SORCS1: variants seen among roughly 807,000 people sequenced by gnomAD.
SORCS1 encodes the protein VPS10 domain-containing receptor SorCS1.
A neutral mutation model predicts 146.1 loss-of-function variants in SORCS1; 60 were observed. The observed-to-expected ratio is 0.41, with a 90% CI of 0.33 to 0.51. The LOEUF is 0.51. Ranked by LOEUF, SORCS1 falls within the 20% of genes least tolerant of loss-of-function variation. The probability of loss-of-function intolerance (pLI) is 0.21; values close to 1 mark genes in which losing one functional copy is unlikely to be tolerated. For missense variants in SORCS1, 1,352 were observed against 1,487.6 expected, an observed-to-expected ratio of 0.91 and a Z score of 1.50; for synonymous variants, 637 against 584.0, an observed-to-expected ratio of 1.09 and a Z score of -1.31.
chr10:106,696,209 C>T (rs1012952784), intron 9 of SORCS1, among the ~76,000 whole-genome samples: 1 of 152,214 alleles, frequency 6.6e-6, no homozygotes, highest in Non-Finnish European at 1.5e-5. Flanking sequence ...TCCATGTATG[C>T]TATCTCTGTA....
chr10:107,164,194 G>A lies in SORCS1; in HGVS notation c.333C>T (p.Ser111=), dbSNP rs779338363. 17 of 1,611,034 alleles carry A rather than the reference G, an allele frequency of 1.1e-5. No individual in the cohort carries two copies. In the African/African-American group the frequency reaches 1.5e-4, roughly 14 times the overall value. Residue 111 remains serine, a synonymous_variant, in exon 1 of 26, where the codon AGC becomes AGT. Coordinates refer to ENST00000263054, the MANE Select transcript of SORCS1 (RefSeq NM_052918.5). This position sits in a 1 kb window ranked among gnomAD's most constrained non-coding sequence, Gnocchi z 6.8. ...GTTCTGCCTTCTCCTGATCCGCTCC[G>A]CTCCGTCTCCTCCGGCCGGAGCGTG... ...VAARSGRRRR[S]GADQEKAERG... is the part of the protein sequence containing the mutation.
chr10:107,142,502 A>C (rs550125738), intron 1 of SORCS1, among the ~76,000 whole-genome samples: 19 of 152,358 alleles, frequency 1.2e-4, no homozygotes, highest in African/African-American at 4.6e-4. Flanking sequence ...TCTATTCCTT[A>C]AAGCTACTTA....
intron 1 of SORCS1, among the ~76,000 whole-genome samples, chr10:107,129,481 C>G (rs953278404): frequency 6.6e-6 from 1 of 152,208 alleles, no homozygotes; most frequent in Non-Finnish European, 1.5e-5. Context: ...TCAAAGGCTG[C>G]ACATGAGCCT....
chr10:106,917,517 T>C (rs745929230), intron 2 of SORCS1, among the ~76,000 whole-genome samples: 2 of 152,182 alleles, frequency 1.3e-5, no homozygotes, highest in Non-Finnish European at 2.9e-5. Flanking sequence ...AGGCTGGGGA[T>C]TATTAACCCT....
At chr10:106,685,935 C>A (rs1198856557) in intron 10 of SORCS1, among the ~76,000 whole-genome samples, 1 of 152,116 alleles carries the variant, frequency 6.6e-6, no homozygotes, top group African/African-American at 2.4e-5. Context: ...TTGTGCTGGG[C>A]TGAGAGTGTG....
chr10:107,099,992 C>T (rs754392321), intron 1 of SORCS1, among the ~76,000 whole-genome samples: 2 of 152,184 alleles, frequency 1.3e-5, no homozygotes, highest in African/African-American at 2.4e-5. Flanking sequence ...TGGAAACTCT[C>T]TTGCATTTGC....
At chr10:107,143,938 C>A (rs1197143416) in intron 1 of SORCS1, among the ~76,000 whole-genome samples, 1 of 152,092 alleles carries the variant, frequency 6.6e-6, no homozygotes, top group Non-Finnish European at 1.5e-5. Context: ...GCCCCAAACT[C>A]TTTCAATCTA....
At chr10:106,635,790 T>C (rs941054917) in intron 18 of SORCS1, among the ~76,000 whole-genome samples, 1 of 152,226 alleles carries the variant, frequency 6.6e-6, no homozygotes, top group African/African-American at 2.4e-5. Flanking sequence ...TTTTGTGTTA[T>C]TTTGACCACA....
chr10:107,057,904 A>T (rs1479478861), intron 1 of SORCS1, among the ~76,000 whole-genome samples: 2 of 152,104 alleles, frequency 1.3e-5, no homozygotes, highest in African/African-American at 4.8e-5. Flanking sequence ...CTACAGCCTC[A>T]AATTCCTGGC....
At chr10:107,031,745 T>C (rs546180557) in intron 1 of SORCS1, among the ~76,000 whole-genome samples, 2 of 152,134 alleles carry the variant, frequency 1.3e-5, no homozygotes, top group South Asian at 4.2e-4. Flanking sequence ...AGTGCTGGGA[T>C]TACAGGAATA....
At chr10:106,995,824 A>G (rs1736494079) in intron 1 of SORCS1, among the ~76,000 whole-genome samples, 1 of 152,172 alleles carries the variant, frequency 6.6e-6, no homozygotes, top group East Asian at 1.9e-4. Context: ...TACAGGCATA[A>G]AAAGGATTTG....
At position 106,679,634 on chromosome 10, in the gene SORCS1, G is replaced by A. The variant is rs1852292095; in HGVS notation, c.1661C>T (p.Ser554Leu). 7 of 1,610,172 alleles carry A rather than the reference G, an allele frequency of 4.3e-6. No homozygotes were observed. The highest frequency in any genetic ancestry group is 5.9e-6 in the Non-Finnish European group (7 of 1,177,792). Reference protein sequence around the residue: ...KDTAPSIIVASGNIGSELSDT... With the variant: ...KDTAPSIIVALGNIGSELSDT... Reference sequence around the variant, plus strand: ...AGCAAACCAGGTAAGCTTCTTACCTGATGCCACTATGATGCTTGGAGCTGT... The same window carrying A: ...AGCAAACCAGGTAAGCTTCTTACCTAATGCCACTATGATGCTTGGAGCTGT... The change falls in exon 11 of 26, where the codon TCA (serine) becomes TTA (leucine). Residue 554 changes from serine to leucine, a missense_variant and splice_region_variant. Around this residue, in one of 3 missense-constraint regions of SORCS1, gnomAD observed 648 missense variants for 793.8 expected, o/e 0.82. Coordinates refer to ENST00000263054, the MANE Select transcript of SORCS1 (RefSeq NM_052918.5).
At chr10:106,709,650 G>A (rs1386986867) in intron 6 of SORCS1, among the ~76,000 whole-genome samples, 4 of 151,702 alleles carry the variant, frequency 2.6e-5, no homozygotes, top group African/African-American at 4.8e-5. Flanking sequence ...GGGTTTCACC[G>A]TGTTAGCCAG....
intron 5 of SORCS1, among the ~76,000 whole-genome samples, chr10:106,732,325 C>G (rs1345735217): frequency 6.6e-6 from 1 of 152,156 alleles, no homozygotes; most frequent in Non-Finnish European, 1.5e-5. Flanking sequence ...GTGACCCTTT[C>G]ATCAGAATTT....
At chr10:106,791,056 T>C (rs754675247) in intron 3 of SORCS1, among the ~76,000 whole-genome samples, 7 of 152,212 alleles carry the variant, frequency 4.6e-5, no homozygotes, top group Admixed American at 1.3e-4. Context: ...TATATAGATA[T>C]ACACACATAT....
chr10:107,037,260 A>T (rs1320248298), intron 1 of SORCS1, among the ~76,000 whole-genome samples: 5 of 152,136 alleles, frequency 3.3e-5, no homozygotes, highest in African/African-American at 1.2e-4. Flanking sequence ...CAAAACAAAA[A>T]ATTAGGAACC....
chr10:107,127,553 G>T (rs1285133537), intron 1 of SORCS1, among the ~76,000 whole-genome samples: 1 of 152,058 alleles, frequency 6.6e-6, no homozygotes, highest in East Asian at 1.9e-4. Flanking sequence ...CAGGGAAATG[G>T]GATCATGTTC....
intron 1 of SORCS1, among the ~76,000 whole-genome samples, chr10:107,021,935 A>C (rs1958165211): frequency 6.6e-6 from 1 of 152,224 alleles, no homozygotes; most frequent in South Asian, 2.1e-4. Flanking sequence ...TGATTTAAAA[A>C]CCAGAGAAAT....
intron 1 of SORCS1, among the ~76,000 whole-genome samples, chr10:107,152,599 G>A (rs1458919501): frequency 2.0e-5 from 3 of 152,098 alleles, no homozygotes; most frequent in East Asian, 1.9e-4. Flanking sequence ...GGGATCTGAT[G>A]GTTTTATAAG....
Sources: gnomAD v4.1 joint callset for allele counts (sites outside exome capture counted in the v4.1 genomes callset) on GRCh38, gnomAD v4.1.1 for gene constraint, gnomAD v4.1.1 regional missense constraint, Gnocchi (gnomAD v3.1) non-coding constraint, MANE v1.5 for transcripts, NCBI Gene and HGNC (gene_info 2026-07-23, HGNC 2026-07-21) for gene names.